Variants in EMCN observed in about 807,000 individuals in gnomAD.
EMCN encodes the protein MUC-14.
A neutral mutation model predicts 38.4 loss-of-function variants in EMCN; 37 were observed. The observed-to-expected ratio is 0.96, with a 90% CI of 0.74 to 1.27. The LOEUF (loss-of-function observed/expected upper bound fraction) is 1.27. Ranked by LOEUF, EMCN falls within the 50% of genes most tolerant of loss-of-function variation. EMCN has a pLI of 0.00. For missense variants in EMCN, 318 were observed against 302.8 expected (o/e 1.05, Z -0.37); for synonymous variants, 95 against 100.8 (o/e 0.94, Z 0.35).
At chr4:100,465,355 A>G (rs1728286396) in intron 4 of EMCN, 68 bp downstream of exon 4, 1 of 869,892 alleles carries the variant, frequency 1.1e-6, no homozygotes. Flanking sequence ...TGTATGCTGG[A>G]AAACATTCTG....
At chr4:100,513,407 AT>A (rs578051118) in intron 1 of EMCN, among the ~76,000 whole-genome samples, 200 of 152,146 alleles carry the variant, frequency 1.3e-3, no homozygotes, top group African/African-American at 4.7e-3. Flanking sequence ...AAGATGTATG[AT>A]TTTTTTTAAC....
At chr4:100,443,270 T>C (rs1727573450) in intron 5 of EMCN, among the ~76,000 whole-genome samples, 1 of 152,274 alleles carries the variant, frequency 6.6e-6, no homozygotes, top group African/African-American at 2.4e-5. Flanking sequence ...GTTCCTTGTG[T>C]CCCTGCATTG....
In EMCN at chr4:100,420,690, A is replaced by G. The variant is rs111563208; in HGVS notation, c.664+592T>C. 4.6e-3 allele frequency among the ~76,000 whole-genome samples: 700 copies of G among 152,200 alleles called. 7 individuals carry two copies. Among genetic ancestry groups the G allele is most frequent in the African/African-American group, 0.016 (667 of 41,564 alleles). ...TTAGTTCACTAATTGTGACAAACAT[A>G]CCATCAGATCTTAATAAGGGAATAA... is the stretch of plus-strand genomic sequence containing the variant. On this transcript the variant is annotated intron_variant, in intron 8 of 11. Transcript: ENST00000296420.
At chr4:100,466,664 G>A (rs1205593435) in intron 3 of EMCN, among the ~76,000 whole-genome samples, 1 of 152,180 alleles carries the variant, frequency 6.6e-6, no homozygotes, top group Non-Finnish European at 1.5e-5. Flanking sequence ...GTTAAATTGG[G>A]AGGAAAATAT....
intron 1 of EMCN, among the ~76,000 whole-genome samples, chr4:100,486,427 G>T (rs1462672823): frequency 2.6e-5 from 4 of 152,180 alleles, no homozygotes; most frequent in East Asian, 1.9e-4. Context: ...AGAGCTAGGG[G>T]CAACTCTTGT....
At chr4:100,469,473 T>G (rs955554399) in intron 3 of EMCN, among the ~76,000 whole-genome samples, 1 of 150,744 alleles carries the variant, frequency 6.6e-6, no homozygotes, top group East Asian at 1.9e-4. Context: ...AGGAAACAAT[T>G]AGCAAAATGA....
At chr4:100,459,735 C>T (rs1399815676) in intron 4 of EMCN, among the ~76,000 whole-genome samples, 12 of 152,272 alleles carry the variant, frequency 7.9e-5, no homozygotes, top group Admixed American at 3.9e-4. Context: ...AGTTTATCCG[C>T]GCTTTCGCAA....
intron 1 of EMCN, among the ~76,000 whole-genome samples, chr4:100,482,476 G>A (rs935226555): frequency 3.9e-5 from 6 of 152,122 alleles, no homozygotes; most frequent in African/African-American, 1.4e-4. Flanking sequence ...TTCATGCTAG[G>A]AGCTAGGGCT....
chr4:100,471,449 T>A (rs2110270349), intron 3 of EMCN, among the ~76,000 whole-genome samples: 2 of 151,988 alleles, frequency 1.3e-5, no homozygotes, highest in South Asian at 2.1e-4. Context: ...GTTAGTATTT[T>A]AAAAAAATTT....
chr4:100,468,012 A>G (rs1369555767), intron 3 of EMCN, among the ~76,000 whole-genome samples: 2 of 152,346 alleles, frequency 1.3e-5, no homozygotes, highest in Admixed American at 1.3e-4. Context: ...ATCAAGATAC[A>G]TTGGCTTTAC....
At chr4:100,471,179 T>A (rs1442327757) in intron 3 of EMCN, among the ~76,000 whole-genome samples, 1 of 151,854 alleles carries the variant, frequency 6.6e-6, no homozygotes, top group Non-Finnish European at 1.5e-5. Context: ...AAAAGATATA[T>A]AAAATTGAGA....
intron 1 of EMCN, among the ~76,000 whole-genome samples, chr4:100,500,524 T>G (rs1474983491): frequency 1.3e-5 from 2 of 152,172 alleles, no homozygotes; most frequent in Non-Finnish European, 2.9e-5. Flanking sequence ...CTTCCACTAC[T>G]CTAGAGGTAA....
intron 4 of EMCN, among the ~76,000 whole-genome samples, chr4:100,462,626 G>T (rs1728211479): frequency 6.6e-6 from 1 of 152,010 alleles, no homozygotes; most frequent in South Asian, 2.1e-4. Context: ...ATACGTAGAT[G>T]AATTTTGGTT....
At position 100,514,923 on chromosome 4, in the gene EMCN, C is replaced by T. The variant is rs374428433; in HGVS notation, c.64+2928G>A. Reference sequence around the variant, plus strand: ...ATTGATAATAACTTCCCTCATCTTCCTCTCTCCCCCACTTCTACGGTGAGG... The same window carrying T: ...ATTGATAATAACTTCCCTCATCTTCTTCTCTCCCCCACTTCTACGGTGAGG... On this transcript the variant is annotated intron_variant, in intron 1 of 11. Transcript: ENST00000296420. Among the ~76,000 whole-genome samples, 7 of 152,078 alleles carry T rather than the reference C, an allele frequency of 4.6e-5. No individual in the cohort carries two copies. In the East Asian group the frequency reaches 5.8e-4, roughly 13 times the overall value.
At chr4:100,455,723 C>A (rs1001398151) in intron 4 of EMCN, among the ~76,000 whole-genome samples, 1 of 151,804 alleles carries the variant, frequency 6.6e-6, no homozygotes, top group Non-Finnish European at 1.5e-5. Context: ...CAACTTGGGG[C>A]TCTTTAAGTT....
intron 5 of EMCN, among the ~76,000 whole-genome samples, chr4:100,431,825 C>T (rs1578190168): frequency 6.6e-6 from 1 of 152,078 alleles, no homozygotes; most frequent in African/African-American, 2.4e-5. Flanking sequence ...CTGTCTCTCG[C>T]TCTCGCTGTC....
intron 8 of EMCN, among the ~76,000 whole-genome samples, chr4:100,418,170 A>G (rs1440721872): frequency 6.6e-6 from 1 of 152,134 alleles, no homozygotes; most frequent in Non-Finnish European, 1.5e-5. Flanking sequence ...CTCCATCAGT[A>G]AGGTTTTAAC....
chr4:100,514,929 C>T (rs1560649120), intron 1 of EMCN, among the ~76,000 whole-genome samples: 1 of 152,100 alleles, frequency 6.6e-6, no homozygotes, highest in Non-Finnish European at 1.5e-5. Context: ...CTTCCTCTCT[C>T]CCCCACTTCT....
intron 4 of EMCN, among the ~76,000 whole-genome samples, chr4:100,452,715 C>T (rs959181174): frequency 5.3e-5 from 8 of 152,016 alleles, no homozygotes; most frequent in East Asian, 1.9e-4. Context: ...TCTTTCCTTT[C>T]TCTTCTATCC....
Sources: gnomAD v4.1 joint callset for allele counts (sites outside exome capture counted in the v4.1 genomes callset) on GRCh38, gnomAD v4.1.1 for gene constraint, MANE v1.5 for transcripts, NCBI Gene and HGNC (gene_info 2026-07-23, HGNC 2026-07-21) for gene names.